RIPOR2: variants seen among roughly 807,000 people sequenced by gnomAD.
The protein encoded by RIPOR2 is RHO family interacting cell polarization regulator 2, also known as rho family-interacting cell polarization regulator 2.
In RIPOR2, 39 loss-of-function variants were observed where a neutral mutation model predicts 114.5. That is an observed-to-expected ratio of 0.34 (90% CI 0.26 to 0.44). The LOEUF is 0.44. RIPOR2 is among the 20% of genes least tolerant of loss of function. The probability of loss-of-function intolerance (pLI) is 1.00; values close to 1 mark genes in which losing one functional copy is unlikely to be tolerated. For synonymous variants in RIPOR2, 445 were observed against 484.4 expected (o/e 0.92, Z 1.07); for missense variants, 1,007 against 1,255.1 (o/e 0.80, Z 2.99).
intron 1 of RIPOR2, among the ~76,000 whole-genome samples, chr6:24,895,776 G>A (rs1313603227): frequency 6.6e-6 from 1 of 152,132 alleles, no homozygotes; most frequent in African/African-American, 2.4e-5. Context: ...GGATCACGAG[G>A]TCAGGAGATC....
chr6:24,917,680 C>T (rs1384125960), intron 1 of RIPOR2, among the ~76,000 whole-genome samples: 1 of 152,162 alleles, frequency 6.6e-6, no homozygotes, highest in Non-Finnish European at 1.5e-5. Flanking sequence ...CAGGCGCGTA[C>T]CACCAGGCCT....
intron 19 of RIPOR2, 133 bp from the exon 20 acceptor site, chr6:24,818,758 A>T (rs970126402): frequency 4.4e-6 from 2 of 453,676 alleles, no homozygotes; most frequent in African/African-American, 4.0e-5. Context: ...AGAGCAAGAA[A>T]AAAAAAGCCA....
chr6:24,843,870 G>A (rs777979643), intron 12 of RIPOR2, among the ~76,000 whole-genome samples: 19 of 151,846 alleles, frequency 1.3e-4, no homozygotes, highest in Non-Finnish European at 2.2e-4. Context: ...GAGGGGGCTT[G>A]TTTTCTGAAT....
At position 24,927,286 on chromosome 6, in the gene RIPOR2, A is replaced by AT. The variant is rs59949027; in HGVS notation, c.61+8551_61+8552insA. ...CACCACAGCTACAATCACCACCACCACCACCACCACCACCACCACAACTAC... is the reference window on the plus strand; with the variant it reads ...CACCACAGCTACAATCACCACCACCATCCACCACCACCACCACCACAACTAC... On this transcript the variant is annotated intron_variant, in intron 1 of 21. Transcript: ENST00000643898. Among the ~76,000 whole-genome samples the AT allele has an allele frequency of 8.3e-5, 12 of 145,086 alleles. 2 individuals carry two copies. The highest frequency in any genetic ancestry group is 2.9e-4 in the African/African-American group (11 of 38,090).
At chr6:25,002,115 G>A (rs1041713115) in intron 1 of RIPOR2, among the ~76,000 whole-genome samples, 13 of 152,182 alleles carry the variant, frequency 8.5e-5, no homozygotes, top group Non-Finnish European at 5.9e-5. Flanking sequence ...CAATAAAACT[G>A]TATATACAAA....
intron 12 of RIPOR2, among the ~76,000 whole-genome samples, chr6:24,846,300 C>CTTTTTTTTTTTTTTTTTTTT (rs1562253042): frequency 9.0e-6 from 1 of 111,320 alleles, no homozygotes. Context: ...TTTTCACCTG[C>CTTTTTTTTTTTTTTTTTTTT]CTTTTTTTTT....
At chr6:24,836,987 G>GA (rs1003317276) in intron 14 of RIPOR2, among the ~76,000 whole-genome samples, 1 of 151,978 alleles carries the variant, frequency 6.6e-6, no homozygotes, top group Non-Finnish European at 1.5e-5. Context: ...ATAGCAAGAA[G>GA]AAAAAAAGTT....
At chr6:24,967,312 G>A (rs528287652) in intron 1 of RIPOR2, among the ~76,000 whole-genome samples, 2 of 152,204 alleles carry the variant, frequency 1.3e-5, no homozygotes, top group Admixed American at 6.5e-5. Flanking sequence ...TGGTGAATAA[G>A]AAGAAGCATG....
At chr6:25,014,634 T>C (rs1434435570) in intron 1 of RIPOR2, among the ~76,000 whole-genome samples, 1 of 152,202 alleles carries the variant, frequency 6.6e-6, no homozygotes, top group Non-Finnish European at 1.5e-5. Context: ...AATGTGTGTT[T>C]CATTTCCTCT....
chr6:24,938,638 A>T (rs1771949691), upstream of RIPOR2, among the ~76,000 whole-genome samples: 2 of 152,178 alleles, frequency 1.3e-5, no homozygotes, highest in Admixed American at 1.3e-4. Context: ...CTCAATGGGG[A>T]TAGAGAATGA....
chr6:25,001,866 T>A (rs1039753702), intron 1 of RIPOR2, among the ~76,000 whole-genome samples: 1 of 151,274 alleles, frequency 6.6e-6, no homozygotes, highest in African/African-American at 2.4e-5. Context: ...TGCCTGGCTA[T>A]TTTTTTCTTT....
At chr6:24,948,934 C>T (rs1290002893) in intron 1 of RIPOR2, among the ~76,000 whole-genome samples, 1 of 152,198 alleles carries the variant, frequency 6.6e-6, no homozygotes, top group Non-Finnish European at 1.5e-5. Context: ...GGCACTGGTT[C>T]TGGCCCCTTT....
intron 1 of RIPOR2, among the ~76,000 whole-genome samples, chr6:24,947,404 C>T (rs1411270513): frequency 6.6e-6 from 1 of 152,142 alleles, no homozygotes; most frequent in East Asian, 1.9e-4. Flanking sequence ...CTTTTGTGTA[C>T]TAGAAGGCTC....
At chr6:24,924,103 G>A (rs1326821554) in intron 1 of RIPOR2, among the ~76,000 whole-genome samples, 2 of 152,162 alleles carry the variant, frequency 1.3e-5, no homozygotes, top group Non-Finnish European at 2.9e-5. Flanking sequence ...CAGACATGGG[G>A]CAGTGGGCAA....
At chr6:24,861,062 T>C (rs1764024433) in intron 7 of RIPOR2, 26 bp from the exon 8 acceptor site, 7 of 1,562,894 alleles carry the variant, frequency 4.5e-6, no homozygotes, top group Admixed American at 1.7e-5. Flanking sequence ...GAGACGATCA[T>C]GAGAGCTAGC....
At chr6:24,873,839 C>A in intron 2 of RIPOR2, 40 bp from the exon 3 acceptor site, 1 of 1,541,356 alleles carries the variant, frequency 6.5e-7, no homozygotes, top group Non-Finnish European at 8.8e-7. Flanking sequence ...ATTGGGCATC[C>A]AAAAGGATTT....
At chr6:25,000,096 C>T (rs959269132) in intron 1 of RIPOR2, among the ~76,000 whole-genome samples, 4 of 152,174 alleles carry the variant, frequency 2.6e-5, no homozygotes, top group African/African-American at 7.2e-5. Context: ...ATCCCCAATA[C>T]CATGGTCTCT....
Position 24,840,758 on chromosome 6 carries a change from G to A in RIPOR2, c.1858-1486C>T, listed in dbSNP as rs75574668. Reference sequence around the variant, plus strand: ...AGGCAGCACCATTTAGTTTCTGATCGTCAAGGTGTTTAGCATCCTAGGAAT... The same window carrying A: ...AGGCAGCACCATTTAGTTTCTGATCATCAAGGTGTTTAGCATCCTAGGAAT... On this transcript the variant is annotated intron_variant, in intron 13 of 21. Transcript: ENST00000643898. The A allele has an allele frequency of 6.0e-3, 9,188 of 1,535,374 alleles. 223 individuals are homozygous for A. The African/African-American group carries it at 0.074, about 12-fold the overall frequency.
At chr6:24,894,077 G>A (rs1457674772) in intron 1 of RIPOR2, among the ~76,000 whole-genome samples, 1 of 152,202 alleles carries the variant, frequency 6.6e-6, no homozygotes, top group Non-Finnish European at 1.5e-5. Flanking sequence ...AGGAGCAGGT[G>A]ACCCATTAGA....
Sources: allele counts gnomAD v4.1 joint callset (sites outside exome capture counted in the v4.1 genomes callset), GRCh38; gene constraint gnomAD v4.1.1; transcripts MANE v1.5; gene names NCBI Gene and HGNC (gene_info 2026-07-23, HGNC 2026-07-21).